UBE2L3: variants seen among roughly 807,000 people sequenced by gnomAD.
UBE2L3 encodes the protein ubiquitin-conjugating enzyme E2 L3.
A neutral mutation model predicts 17.8 loss-of-function variants in UBE2L3; 1 was observed. That is an observed-to-expected ratio of 0.06 (90% CI 0.02 to 0.27). UBE2L3 has a LOEUF of 0.27. UBE2L3 is among the 10% of genes least tolerant of loss of function. The pLI, the probability that UBE2L3 is intolerant of heterozygous loss-of-function variation, is 1.00. For synonymous variants in UBE2L3, 44 were observed against 68.5 expected (o/e 0.64, Z 1.76); for missense variants, 40 against 192.6 (o/e 0.21, Z 4.69).
intron 1 of UBE2L3, among the ~76,000 whole-genome samples, chr22:21,592,622 G>A (rs556306240): frequency 1.1e-4 from 17 of 152,276 alleles, no homozygotes; most frequent in African/African-American, 4.1e-4. Context: ...ATTCAGGGGG[G>A]TTCACTGAGG....
chr22:21,598,194 A>AGTGTGTGTGTGTGTGTGTGTGTGTGT (rs1928655559), intron 2 of UBE2L3, among the ~76,000 whole-genome samples: 4 of 99,518 alleles, frequency 4.0e-5, no homozygotes, highest in Non-Finnish European at 4.3e-5. Context: ...AGGTTTCATT[A>AGTGTGTGTGTGTGTGTGTGTGTGTGT]ATGTGTGTGT....
intron 1 of UBE2L3, among the ~76,000 whole-genome samples, chr22:21,576,264 G>A (rs963929210): frequency 2.6e-5 from 4 of 151,506 alleles, no homozygotes; most frequent in East Asian, 3.9e-4. Flanking sequence ...ACAGGCGCAC[G>A]CCACCACGCC....
At chr22:21,614,846 A>G (rs995931111) in intron 3 of UBE2L3, among the ~76,000 whole-genome samples, 28 of 152,214 alleles carry the variant, frequency 1.8e-4, no homozygotes, top group Admixed American at 6.5e-4. Flanking sequence ...ATGTCCATCA[A>G]TTGGTGAGTG....
chr22:21,617,026 C>T (rs184288974), intron 3 of UBE2L3, among the ~76,000 whole-genome samples: 2,067 of 151,146 alleles, frequency 0.014, 18 homozygotes, highest in Non-Finnish European at 0.022. Flanking sequence ...CTGGCTAACA[C>T]GGTGAAACCC....
At chr22:21,575,998 A>G (rs922321278) in intron 1 of UBE2L3, among the ~76,000 whole-genome samples, 2 of 152,108 alleles carry the variant, frequency 1.3e-5, no homozygotes, top group Non-Finnish European at 2.9e-5. Context: ...TTTACCTTGC[A>G]TATTGTAAAC....
At chr22:21,586,422 A>G (rs1927937992) in intron 1 of UBE2L3, among the ~76,000 whole-genome samples, 1 of 151,934 alleles carries the variant, frequency 6.6e-6, no homozygotes, top group Admixed American at 6.6e-5. Context: ...GGTGCACGCC[A>G]CCATGCCCAG....
chr22:21,591,530 T>G (rs1382815591), intron 1 of UBE2L3, among the ~76,000 whole-genome samples: 1 of 152,224 alleles, frequency 6.6e-6, no homozygotes, highest in East Asian at 1.9e-4. Flanking sequence ...GCCCAGCACA[T>G]CTTCCTACTC....
chr22:21,614,577 A>ATG (rs780979399), intron 3 of UBE2L3: 1 of 1,367,530 alleles, frequency 7.3e-7, no homozygotes, highest in Non-Finnish European at 9.8e-7. Context: ...GTTCCCAATT[A>ATG]TGGCTTCTCT....
chr22:21,580,792 C>G (rs1927576292), intron 1 of UBE2L3, among the ~76,000 whole-genome samples: 1 of 151,828 alleles, frequency 6.6e-6, no homozygotes, highest in African/African-American at 2.4e-5. Flanking sequence ...ACCATGTTGG[C>G]CAGGCTGGCC....
intron 1 of UBE2L3, chr22:21,555,399 G>C (rs1385217526): frequency 1.3e-5 from 2 of 152,836 alleles, no homozygotes; most frequent in Non-Finnish European, 2.9e-5. Context: ...AAGGCGGGCA[G>C]GTCACCTGAG....
At chr22:21,589,135 G>T (rs1452615651) in intron 1 of UBE2L3, among the ~76,000 whole-genome samples, 1 of 142,152 alleles carries the variant, frequency 7.0e-6, no homozygotes, top group Non-Finnish European at 1.5e-5. Context: ...GTGGAGGCAT[G>T]ATTGGAATTT....
chr22:21,567,339 A>G (rs3761415), upstream of UBE2L3, among the ~76,000 whole-genome samples: 6 of 152,038 alleles, frequency 3.9e-5, no homozygotes, highest in East Asian at 1.2e-3. Flanking sequence ...AATTTTTTGT[A>G]TTTTTAGTAG....
chr22:21,604,816 C>T (rs908557660), intron 2 of UBE2L3, among the ~76,000 whole-genome samples: 1 of 152,172 alleles, frequency 6.6e-6, no homozygotes, highest in Non-Finnish European at 1.5e-5. Flanking sequence ...CTGAGCCACT[C>T]CTTTGACCAT....
intron 2 of UBE2L3, among the ~76,000 whole-genome samples, chr22:21,609,237 A>T (rs1175790499): frequency 1.4e-4 from 21 of 152,226 alleles, no homozygotes; most frequent in Non-Finnish European, 2.9e-5. Flanking sequence ...TTACCATTGG[A>T]TCCAGCAATT....
At chr22:21,607,067 T>C (rs1009067310) in intron 2 of UBE2L3, among the ~76,000 whole-genome samples, 16 of 152,228 alleles carry the variant, frequency 1.1e-4, no homozygotes, top group African/African-American at 3.6e-4. Context: ...GCTCCATGCC[T>C]CCCCTCCCAG....
intron 1 of UBE2L3, among the ~76,000 whole-genome samples, chr22:21,572,593 A>T (rs1213584425): frequency 6.6e-6 from 1 of 152,142 alleles, no homozygotes. Flanking sequence ...ATTACGTTTA[A>T]GATATTTCTA....
chr22:21,615,318 G>A (rs1241033901), intron 3 of UBE2L3, among the ~76,000 whole-genome samples: 2 of 152,110 alleles, frequency 1.3e-5, no homozygotes, highest in African/African-American at 4.8e-5. Context: ...CACTTTGGGA[G>A]GCCAAGGCGG....
At chr22:21,589,255 C>T (rs1051213173) in intron 1 of UBE2L3, among the ~76,000 whole-genome samples, 5 of 150,038 alleles carry the variant, frequency 3.3e-5, no homozygotes, top group Non-Finnish European at 5.9e-5. Flanking sequence ...ACGCCTTTCT[C>T]CTGCCTCAGC....
chr22:21,597,964 A>AT (rs35036050), intron 2 of UBE2L3, among the ~76,000 whole-genome samples: 2,911 of 115,734 alleles, frequency 0.025, 55 homozygotes, highest in African/African-American at 0.041. Flanking sequence ...TAATTTTTGT[A>AT]TTTTTTTTTT....
Sources: allele counts gnomAD v4.1 joint callset (sites outside exome capture counted in the v4.1 genomes callset), GRCh38; gene constraint gnomAD v4.1.1; transcripts MANE v1.5; gene names NCBI Gene and HGNC (gene_info 2026-07-23, HGNC 2026-07-21).